THRB: variants seen among roughly 807,000 people sequenced by gnomAD.
THRB encodes the protein nuclear receptor subfamily 1 group A member 2.
THRB carries 12 observed loss-of-function variants against 47.8 expected under a neutral mutation model. The ratio of observed to expected loss-of-function variants is 0.25; its 90% CI spans 0.16 to 0.41. The LOEUF is 0.41. Among genes scored for constraint, THRB ranks in the 10% least tolerant of loss-of-function variants. The pLI, the probability that THRB is intolerant of heterozygous loss-of-function variation, is 1.00. For missense variants in THRB, 348 were observed against 589.2 expected, an observed-to-expected ratio of 0.59 and a Z score of 4.24; for synonymous variants, 218 against 212.2, an observed-to-expected ratio of 1.03 and a Z score of -0.24.
intron 1 of THRB, among the ~76,000 whole-genome samples, chr3:24,394,678 T>C (rs188757385): frequency 1.3e-5 from 2 of 152,226 alleles, no homozygotes; most frequent in South Asian, 2.1e-4. Context: ...CATCATCAAA[T>C]AGCACCACAG....
At position 24,301,092 on chromosome 3, in the gene THRB, T is replaced by C. The variant is rs77530188; in HGVS notation, c.-188-3721A>G. On this transcript the variant is annotated intron_variant, in intron 2 of 10. Coordinates refer to ENST00000646209, the MANE Select transcript of THRB (RefSeq NM_001354712.2). ...TGGAGGCAGAGACTGGAATTACACA[T>C]TCATAAATCAAGGAACACCAGGAGC... Among the ~76,000 whole-genome samples the C allele has an allele frequency of 5.6e-4, 85 of 152,214 alleles. 1 individual carries two copies. The South Asian group carries it at 0.017, about 30-fold the overall frequency.
intron 3 of THRB, among the ~76,000 whole-genome samples, chr3:24,280,255 G>A (rs1229853725): frequency 6.6e-6 from 1 of 152,148 alleles, no homozygotes. Context: ...TGGGCAGACT[G>A]CTTCCTCAAG....
At chr3:24,133,585 T>A (rs1383175501) in intron 8 of THRB, 123 bp from the exon 9 acceptor site, 1 of 918,062 alleles carries the variant, frequency 1.1e-6, no homozygotes, top group Non-Finnish European at 1.7e-6. Context: ...AGTTTTCACA[T>A]CATTTGTTAA....
intron 3 of THRB, among the ~76,000 whole-genome samples, chr3:24,269,032 G>A (rs1292313299): frequency 6.6e-6 from 1 of 152,130 alleles, no homozygotes; most frequent in African/African-American, 2.4e-5. Flanking sequence ...GTTTGTCACA[G>A]TGACCTAGTC....
intron 3 of THRB, among the ~76,000 whole-genome samples, chr3:24,283,557 C>A (rs925863389): frequency 6.7e-6 from 1 of 149,830 alleles, no homozygotes; most frequent in Non-Finnish European, 1.5e-5. Context: ...CACTCCTATT[C>A]GACATAGTGT....
intron 3 of THRB, among the ~76,000 whole-genome samples, chr3:24,273,827 T>G (rs960452472): frequency 1.5e-4 from 21 of 136,584 alleles, no homozygotes; most frequent in Admixed American, 9.0e-4. Flanking sequence ...CAAACAAAAC[T>G]GAATTATTTC....
chr3:24,190,601 T>G (rs2043208508), intron 4 of THRB, among the ~76,000 whole-genome samples: 1 of 152,178 alleles, frequency 6.6e-6, no homozygotes, highest in African/African-American at 2.4e-5. Flanking sequence ...GGCTGTACTT[T>G]CGCCAGTCCC....
chr3:24,240,355 C>T (rs369064714), intron 3 of THRB, among the ~76,000 whole-genome samples: 10 of 152,050 alleles, frequency 6.6e-5, no homozygotes, highest in South Asian at 2.1e-4. Flanking sequence ...ACTGAGCCCG[C>T]GTCAAATGGG....
At chr3:24,282,599 A>G (rs1297087157) in intron 3 of THRB, among the ~76,000 whole-genome samples, 1 of 131,470 alleles carries the variant, frequency 7.6e-6, no homozygotes, top group East Asian at 2.2e-4. Flanking sequence ...GCAGAACTGA[A>G]GGAAATAGAG....
intron 1 of THRB, among the ~76,000 whole-genome samples, chr3:24,392,062 A>G (rs1013563417): frequency 6.6e-6 from 1 of 152,154 alleles, no homozygotes; most frequent in Non-Finnish European, 1.5e-5. Flanking sequence ...TGCCATTTCC[A>G]AAGCACTTTT....
At chr3:24,338,517 C>T (rs987603114) in intron 1 of THRB, among the ~76,000 whole-genome samples, 1 of 152,204 alleles carries the variant, frequency 6.6e-6, no homozygotes, top group Non-Finnish European at 1.5e-5. Flanking sequence ...CCTTTAACTG[C>T]CACATTGAGT....
At chr3:24,195,427 A>G (rs2043843440) in intron 4 of THRB, among the ~76,000 whole-genome samples, 1 of 152,124 alleles carries the variant, frequency 6.6e-6, no homozygotes, top group African/African-American at 2.4e-5. Flanking sequence ...TTGTGCTTTG[A>G]AAGTTCTTTA....
At chr3:24,213,219 T>C (rs557304029) in intron 4 of THRB, among the ~76,000 whole-genome samples, 74 of 152,192 alleles carry the variant, frequency 4.9e-4, no homozygotes, top group Non-Finnish European at 9.6e-4. Flanking sequence ...CCTCATACTG[T>C]AGCCAGTTTA....
At chr3:24,460,135 A>G (rs1380432329) in intron 1 of THRB, among the ~76,000 whole-genome samples, 5 of 152,218 alleles carry the variant, frequency 3.3e-5, no homozygotes, top group Non-Finnish European at 7.3e-5. Context: ...CATTTTCTAA[A>G]TGGCTTTTGA....
chr3:24,194,044 C>T (rs1427391851), intron 4 of THRB, among the ~76,000 whole-genome samples: 3 of 152,160 alleles, frequency 2.0e-5, no homozygotes, highest in Non-Finnish European at 4.4e-5. Flanking sequence ...AAACATCATA[C>T]GTTTTCACTC....
intron 5 of THRB, among the ~76,000 whole-genome samples, chr3:24,183,098 CT>C (rs979365254): frequency 2.0e-4 from 30 of 151,702 alleles, no homozygotes; most frequent in African/African-American, 5.8e-4. Context: ...TTGCTATGGA[CT>C]TTTTTTTCAA....
intron 5 of THRB, chr3:24,165,695 T>G: frequency 4.8e-6 from 1 of 207,316 alleles, no homozygotes; most frequent in Non-Finnish European, 9.6e-6. Flanking sequence ...CAGGTAGGAA[T>G]GACCTCCACC....
At chr3:24,140,155 C>T (rs968812390) in intron 8 of THRB, among the ~76,000 whole-genome samples, 2 of 152,140 alleles carry the variant, frequency 1.3e-5, no homozygotes, top group Non-Finnish European at 2.9e-5. Context: ...GTTGGAGTCA[C>T]GTTTCTGCAA....
At chr3:24,158,251 C>T (rs193068344) in intron 5 of THRB, among the ~76,000 whole-genome samples, 10 of 152,268 alleles carry the variant, frequency 6.6e-5, no homozygotes, top group African/African-American at 7.2e-5. Context: ...TCCCAAGAAA[C>T]GGACATCCTT....
Sources: allele counts gnomAD v4.1 joint callset (sites outside exome capture counted in the v4.1 genomes callset), GRCh38; gene constraint gnomAD v4.1.1; transcripts MANE v1.5; gene names NCBI Gene and HGNC (gene_info 2026-07-23, HGNC 2026-07-21).